Variants in ABCA13 observed in about 807,000 individuals in gnomAD.
ABCA13 encodes the protein ATP-binding cassette sub-family A member 13.
ABCA13 carries 476 observed loss-of-function variants against 478.7 expected under a neutral mutation model. The ratio of observed to expected loss-of-function variants is 0.99; its 90% CI spans 0.92 to 1.07. The LOEUF is 1.07. Among genes scored for constraint, ABCA13 ranks in the 50% least tolerant of loss-of-function variants. The probability of loss-of-function intolerance (pLI) is 0.00; values close to 1 mark genes in which losing one functional copy is unlikely to be tolerated. For missense variants in ABCA13, 6,060 were observed against 5,910.6 expected (o/e 1.03, Z -0.83); for synonymous variants, 2,252 against 2,158.9 (o/e 1.04, Z -1.20).
chr7:48,496,775 C>T (rs2130770956), intron 48 of ABCA13, among the ~76,000 whole-genome samples: 1 of 152,164 alleles, frequency 6.6e-6, no homozygotes, highest in South Asian at 2.1e-4. Flanking sequence ...CTTTTGGCTT[C>T]CATGGTTTCA....
intron 59 of ABCA13, among the ~76,000 whole-genome samples, chr7:48,638,008 C>T (rs1794819989): frequency 6.6e-6 from 1 of 152,162 alleles, no homozygotes; most frequent in Non-Finnish European, 1.5e-5. Flanking sequence ...CCTGCATGTA[C>T]ACAGGAAGGG....
At chr7:48,602,785 G>C (rs1791048542) in intron 58 of ABCA13, among the ~76,000 whole-genome samples, 1 of 151,642 alleles carries the variant, frequency 6.6e-6, no homozygotes. Context: ...GTAGCTTGAT[G>C]GGGATAGCAT....
chr7:48,516,617 T>A, intron 51 of ABCA13, 108 bp from the exon 52 acceptor site: 1 of 1,085,296 alleles, frequency 9.2e-7, no homozygotes, highest in Non-Finnish European at 1.4e-6. Context: ...TTCAGTAATA[T>A]CTGCATTTTC....
chr7:48,351,319 A>G lies in ABCA13; in HGVS notation c.10381+500A>G, dbSNP rs370750594. ...GCTCTCATATTCTTTTGGAATACAC[A>G]TTGAATTATTTTTAATTGAGGTTTT... On this transcript the variant is annotated intron_variant, in intron 30 of 61. Coordinates refer to ENST00000435803, the MANE Select transcript of ABCA13 (RefSeq NM_152701.5). Among the ~76,000 whole-genome samples, 18 of 152,322 alleles carry G rather than the reference A, an allele frequency of 1.2e-4. No individual in the cohort carries two copies. The East Asian group carries it at 2.9e-3, about 24-fold the overall frequency.
At chr7:48,410,435 G>A (rs1818853538) in intron 39 of ABCA13, 85 bp from the exon 40 acceptor site, 3 of 1,521,856 alleles carry the variant, frequency 2.0e-6, no homozygotes, top group Non-Finnish European at 2.7e-6. Flanking sequence ...ATTGTGCCCT[G>A]GATCTACCAT....
intron 20 of ABCA13, among the ~76,000 whole-genome samples, chr7:48,293,570 A>G (rs1167731251): frequency 6.6e-6 from 1 of 152,202 alleles, no homozygotes; most frequent in Admixed American, 6.5e-5. Flanking sequence ...TAAAGTATTT[A>G]TGGTAGAATA....
intron 42 of ABCA13, among the ~76,000 whole-genome samples, chr7:48,429,227 T>C (rs567513017): frequency 3.2e-4 from 48 of 152,374 alleles, no homozygotes; most frequent in African/African-American, 1.1e-3. Flanking sequence ...TTTTTTACTA[T>C]TGCAAATATA....
At chr7:48,633,595 GGC>G (rs1794354079) in intron 59 of ABCA13, among the ~76,000 whole-genome samples, 1 of 151,900 alleles carries the variant, frequency 6.6e-6, no homozygotes, top group Non-Finnish European at 1.5e-5. Flanking sequence ...ATAAAAATTA[GGC>G]TGGGTGCGGT....
chr7:48,328,812 A>G (rs977775219), intron 27 of ABCA13, among the ~76,000 whole-genome samples: 1 of 152,196 alleles, frequency 6.6e-6, no homozygotes, highest in African/African-American at 2.4e-5. Context: ...AGAAATGCAA[A>G]TCCCCAAAAT....
chr7:48,420,470 G>T (rs541711717), intron 41 of ABCA13, among the ~76,000 whole-genome samples: 3 of 152,250 alleles, frequency 2.0e-5, no homozygotes, highest in Admixed American at 1.3e-4. Flanking sequence ...AAAACTTTCT[G>T]GCATAATGCA....
At chr7:48,463,697 C>G (rs1826525725) in intron 43 of ABCA13, among the ~76,000 whole-genome samples, 2 of 151,432 alleles carry the variant, frequency 1.3e-5, no homozygotes, top group Admixed American at 1.3e-4. Flanking sequence ...CTGGTTGGAT[C>G]AGGAGAGGTC....
intron 41 of ABCA13, among the ~76,000 whole-genome samples, chr7:48,418,895 A>C (rs746012436): frequency 1.3e-5 from 2 of 152,210 alleles, no homozygotes; most frequent in Non-Finnish European, 2.9e-5. Flanking sequence ...GTAAAGAAAT[A>C]CCTGAGACTG....
At chr7:48,633,795 A>G (rs909899907) in intron 59 of ABCA13, among the ~76,000 whole-genome samples, 1 of 152,052 alleles carries the variant, frequency 6.6e-6, no homozygotes, top group African/African-American at 2.4e-5. Context: ...AGGTTGAGGC[A>G]GGAGAATCAC....
chr7:48,210,724 T>A (rs1471946576), intron 3 of ABCA13, among the ~76,000 whole-genome samples: 4 of 152,146 alleles, frequency 2.6e-5, no homozygotes, highest in African/African-American at 9.7e-5. Flanking sequence ...ATTTTAATTA[T>A]TTTGAATTTT....
At chr7:48,521,289 G>A (rs1429835030) in intron 53 of ABCA13, among the ~76,000 whole-genome samples, 1 of 152,058 alleles carries the variant, frequency 6.6e-6, no homozygotes, top group Non-Finnish European at 1.5e-5. Flanking sequence ...TTGAGGGAGG[G>A]ATCCTTTTTG....
intron 54 of ABCA13, among the ~76,000 whole-genome samples, chr7:48,525,670 CTTTTTTTTT>C (rs538127881): frequency 0.015 from 1,024 of 68,350 alleles, 17 homozygotes; most frequent in African/African-American, 0.049. Flanking sequence ...TTTAGATGCG[CTTTTTTTTT>C]TTTTTTTTTT....
At chr7:48,454,734 A>G (rs1825450300) in intron 42 of ABCA13, among the ~76,000 whole-genome samples, 1 of 152,098 alleles carries the variant, frequency 6.6e-6, no homozygotes, top group South Asian at 2.1e-4. Flanking sequence ...GGGAGAGAGG[A>G]GGAGGAAGCA....
At chr7:48,579,476 G>A (rs1267035997) in intron 55 of ABCA13, among the ~76,000 whole-genome samples, 1 of 152,160 alleles carries the variant, frequency 6.6e-6, no homozygotes, top group African/African-American at 2.4e-5. Context: ...AATACCAAAT[G>A]TTGACAACAG....
chr7:48,311,485 G>C lies in ABCA13; in HGVS notation c.9516+1344G>C, dbSNP rs1801766976. On this transcript the variant is annotated intron_variant, in intron 24 of 61. Transcript: ENST00000435803. ...TTTACAGTTTGCCTTTTGGGAAACA[G>C]AGCTCCCATTGGCACGATGCTACTT... 2.6e-5 allele frequency among the ~76,000 whole-genome samples: 4 copies of C among 152,270 alleles called. No homozygotes were observed. In the South Asian group the frequency reaches 8.3e-4, roughly 32 times the overall value.
Sources: gnomAD v4.1 joint callset for allele counts (sites outside exome capture counted in the v4.1 genomes callset) on GRCh38, gnomAD v4.1.1 for gene constraint, MANE v1.5 for transcripts, NCBI Gene and HGNC (gene_info 2026-07-23, HGNC 2026-07-21) for gene names.